The following SPSB4 variants were observed in gnomAD, a reference collection of about 807,000 sequenced individuals.
SPSB4 encodes the protein splA/ryanodine receptor domain and SOCS box containing 4.
Under a neutral mutation model 20.9 loss-of-function variants are expected in SPSB4, and 21 were observed. The ratio of observed to expected loss-of-function variants is 1.01; its 90% confidence interval spans 0.71 to 1.45. SPSB4 has a LOEUF of 1.45. Among genes scored for constraint, SPSB4 ranks in the 40% most tolerant of loss-of-function variants. The probability of loss-of-function intolerance (pLI) is 0.00; values close to 1 mark genes in which losing one functional copy is unlikely to be tolerated. For missense variants in SPSB4, 399 were observed against 399.2 expected (o/e 1.00, Z 0.00); for synonymous variants, 207 against 183.8 (o/e 1.13, Z -1.02).
chr3:141,133,911 C>G (rs1939178941), intron 2 of SPSB4, among the ~76,000 whole-genome samples: 1 of 151,944 alleles, frequency 6.6e-6, no homozygotes, highest in South Asian at 2.1e-4. Flanking sequence ...TTCTACCCAT[C>G]CATGAGCTTG....
Position 141,066,173 on chromosome 3 carries a change from G to A in SPSB4, c.69G>A (p.Lys23=). ...EVREPALRPA[K]RELRGAEPGR... is the part of the protein sequence containing the mutation. ...GAGAGCCGGCGCTGCGGCCGGCCAA[G>A]CGGGAGCTGCGGGGTGCAGAGCCCG... is the stretch of plus-strand genomic sequence containing the variant. The change falls in exon 2 of 3, where the codon AAG becomes AAA. Residue 23 remains lysine, a synonymous_variant. Transcript: ENST00000310546. 2 of 1,532,584 alleles carry A rather than the reference G, an allele frequency of 1.3e-6. No homozygotes were observed. Among genetic ancestry groups the A allele is most frequent in the Non-Finnish European group, 1.8e-6 (2 of 1,141,754 alleles). 94.9% of individuals were successfully genotyped at this position (1,532,584 alleles called of 1,614,324 possible). A position where few individuals can be genotyped will look rare whatever the true frequency, so the allele number is the denominator to read the frequency against.
rs565957034 is a variant in SPSB4, at chr3:141,092,802, A to G, written c.694+26004A>G. Among the ~76,000 whole-genome samples the G allele has an allele frequency of 5.3e-5, 8 of 152,340 alleles. No individual in the cohort carries two copies. In the East Asian group the frequency reaches 1.5e-3, roughly 29 times the overall value. On this transcript the variant is annotated intron_variant, in intron 2 of 2. Transcript: ENST00000310546. ...CCTTCCTATATGGCAGTGCACGCTC[A>G]CTGTCTTGTCAACTTCCTCACACCT...
chr3:141,094,598 A>C (rs1938515154), intron 2 of SPSB4, among the ~76,000 whole-genome samples: 2 of 151,954 alleles, frequency 1.3e-5, no homozygotes, highest in South Asian at 4.2e-4. Context: ...CATGGGTTGG[A>C]TATTGTGTTT....
intron 1 of SPSB4, among the ~76,000 whole-genome samples, chr3:141,053,496 GGAAAA>G (rs1233576370): frequency 2.0e-5 from 3 of 152,004 alleles, no homozygotes; most frequent in African/African-American, 7.3e-5. Context: ...AAATCTGCAA[GGAAAA>G]GAAATCACCA....
intron 2 of SPSB4, among the ~76,000 whole-genome samples, chr3:141,088,683 G>T (rs1938395673): frequency 6.6e-6 from 1 of 152,250 alleles, no homozygotes; most frequent in Admixed American, 6.5e-5. Flanking sequence ...CAGGGAGACA[G>T]TTCTGAGGTC....
At chr3:141,055,817 C>T (rs1358620837) in intron 1 of SPSB4, among the ~76,000 whole-genome samples, 1 of 151,998 alleles carries the variant, frequency 6.6e-6, no homozygotes, top group East Asian at 1.9e-4. Flanking sequence ...GTGGGTGTGC[C>T]CATGGTAGGA....
intron 1 of SPSB4, among the ~76,000 whole-genome samples, chr3:141,060,481 C>T (rs961855279): frequency 8.5e-5 from 13 of 152,166 alleles, no homozygotes; most frequent in Non-Finnish European, 1.9e-4. Context: ...CCCAGTCCTG[C>T]CACTTCCTGG....
Position 141,147,273 on chromosome 3 carries a change from A to C in SPSB4, c.*4A>C. On this transcript the variant is annotated 3_prime_UTR_variant, in exon 3 of 3. Transcript: ENST00000310546. Reference sequence around the variant, plus strand: ...AAACTATCTGCAGTACCAGTGAGCCAAGCCTGATGGGCAGCACAGACACAG... The same window carrying C: ...AAACTATCTGCAGTACCAGTGAGCCCAGCCTGATGGGCAGCACAGACACAG... The C allele has an allele frequency of 4.3e-6, 7 of 1,614,202 alleles. No individual in the cohort carries two copies. The highest frequency in any genetic ancestry group is 5.9e-6 in the Non-Finnish European group (7 of 1,180,034).
chr3:141,105,434 T>C (rs2107796547), intron 2 of SPSB4, among the ~76,000 whole-genome samples: 1 of 152,286 alleles, frequency 6.6e-6, no homozygotes, highest in South Asian at 2.1e-4. Flanking sequence ...ATAAGTTTCA[T>C]TTATTGGGTA....
At chr3:141,076,302 A>G (rs953756901) in intron 2 of SPSB4, among the ~76,000 whole-genome samples, 1 of 152,082 alleles carries the variant, frequency 6.6e-6, no homozygotes, top group Non-Finnish European at 1.5e-5. Context: ...GTCCGGCCCC[A>G]CTTCCCTTCC....
At chr3:141,109,217 C>T (rs1938754094) in intron 2 of SPSB4, among the ~76,000 whole-genome samples, 1 of 152,146 alleles carries the variant, frequency 6.6e-6, no homozygotes. Flanking sequence ...AATACACAAA[C>T]AGCAGCAGTC....
intron 1 of SPSB4, among the ~76,000 whole-genome samples, chr3:141,062,706 A>G (rs189736693): frequency 6.6e-6 from 1 of 152,232 alleles, no homozygotes; most frequent in African/African-American, 2.4e-5. Context: ...GTGATCTATA[A>G]TTTTGTGATT....
At chr3:141,085,299 T>C (rs1272431365) in intron 2 of SPSB4, among the ~76,000 whole-genome samples, 1 of 152,196 alleles carries the variant, frequency 6.6e-6, no homozygotes, top group East Asian at 1.9e-4. Context: ...CCTAATACTA[T>C]GGGCTTAAAC....
rs180986856 is a variant in SPSB4 at position 141,087,638 on chromosome 3, G to A, written c.694+20840G>A. ...ATTTTCCAGATGAGCAAACAGCCTC[G>A]GAAGGTCAAGTGGTGGCTTGAGGTT... On this transcript the variant is annotated intron_variant, in intron 2 of 2. Transcript: ENST00000310546. Among the ~76,000 whole-genome samples the A allele has an allele frequency of 2.5e-3, 388 of 152,302 alleles. 1 individual carries two copies. Among genetic ancestry groups the A allele is most frequent in the African/African-American group, 8.6e-3 (357 of 41,570 alleles).
chr3:141,106,024 G>C (rs1158411801), intron 2 of SPSB4, among the ~76,000 whole-genome samples: 1 of 152,186 alleles, frequency 6.6e-6, no homozygotes, highest in East Asian at 1.9e-4. Context: ...AACAGCTATG[G>C]GCCATTGGAA....
chr3:141,143,752 A>G (rs553069373), intron 2 of SPSB4, among the ~76,000 whole-genome samples: 14 of 152,364 alleles, frequency 9.2e-5, no homozygotes, highest in African/African-American at 3.4e-4. Context: ...GCCTCCAGCC[A>G]GGAGGTGGTG....
At chr3:141,136,482 G>T (rs1470573489) in intron 2 of SPSB4, among the ~76,000 whole-genome samples, 1 of 152,218 alleles carries the variant, frequency 6.6e-6, no homozygotes, top group South Asian at 2.1e-4. Context: ...GGTCTAACAT[G>T]TAAGTCTTTA....
At chr3:141,117,669 A>G (rs1191088018) in intron 2 of SPSB4, among the ~76,000 whole-genome samples, 1 of 152,038 alleles carries the variant, frequency 6.6e-6, no homozygotes, top group African/African-American at 2.4e-5. Context: ...CCCCCGCCCA[A>G]CAGGCCCTGG....
At position 141,108,939 on chromosome 3, in the gene SPSB4, G is replaced by T. The variant is rs931064853; in HGVS notation, c.695-38203G>T. 4.6e-5 allele frequency among the ~76,000 whole-genome samples: 7 copies of T among 152,196 alleles called. No individual in the cohort carries two copies. The South Asian group carries it at 6.2e-4, about 13-fold the overall frequency. ...ACTCAGGAGGTTGTGAGAAGTCCAA[G>T]GTGCATACGAGGAAGAGAGCAGTCA... On this transcript the variant is annotated intron_variant, in intron 2 of 2. Coordinates refer to ENST00000310546, the MANE Select transcript of SPSB4 (RefSeq NM_080862.3).
Sources: gnomAD v4.1 joint callset for allele counts (sites outside exome capture counted in the v4.1 genomes callset) on GRCh38, gnomAD v4.1.1 for gene constraint, MANE v1.5 for transcripts, NCBI Gene and HGNC (gene_info 2026-07-23, HGNC 2026-07-21) for gene names.